Variants in A2M observed in about 807,000 individuals in gnomAD.
The protein encoded by A2M is alpha-2-macroglobulin.
A2M carries 128 observed loss-of-function variants against 183.9 expected under a neutral mutation model. The ratio of observed to expected loss-of-function variants is 0.70; its 90% confidence interval spans 0.60 to 0.81. A2M has a LOEUF of 0.81. Among genes scored for constraint, A2M ranks in the 30% least tolerant of loss-of-function variants. A2M has a pLI of 0.00. For missense variants in A2M, 1,495 were observed against 1,787.6 expected (o/e 0.84, Z 2.95); for synonymous variants, 592 against 670.8 (o/e 0.88, Z 1.81).
chr12:9,068,439 G>A (rs1249897457), intron 34 of A2M, among the ~76,000 whole-genome samples: 2 of 152,082 alleles, frequency 1.3e-5, no homozygotes, highest in Admixed American at 1.3e-4. Flanking sequence ...CCAAACTCCT[G>A]AAGGACTCTT....
upstream of A2M, chr12:9,115,956 T>C: frequency 1.1e-6 from 1 of 897,182 alleles, no homozygotes; most frequent in Non-Finnish European, 1.9e-6. Context: ...TATGCTGCTC[T>C]GTGTGCAAAC....
rs1470768291 is a variant in A2M at position 9,115,863 on chromosome 12, G to A, written c.-14C>T. On this transcript the variant is annotated 5_prime_UTR_variant, in exon 1 of 36. Transcript: ENST00000318602. ...GTTCTTCCCCATGTTGCAGAAAGAA[G>A]GAGCTGGAGGAGAACAGACTGTATT... The A allele has an allele frequency of 5.0e-6, 8 of 1,605,700 alleles. No individual in the cohort carries two copies. Among genetic ancestry groups the A allele is most frequent in the East Asian group, 2.2e-5 (1 of 44,792 alleles).
intron 15 of A2M, among the ~76,000 whole-genome samples, chr12:9,097,740 C>A (rs1429507922): frequency 2.0e-5 from 3 of 149,450 alleles, no homozygotes; most frequent in East Asian, 3.9e-4. Context: ...TCAAGTGATT[C>A]TCCTGCCTCA....
intron 14 of A2M, 132 bp downstream of exon 14, chr12:9,099,249 A>G (rs1413303595): frequency 1.2e-6 from 1 of 815,634 alleles, no homozygotes; most frequent in Non-Finnish European, 2.0e-6. Flanking sequence ...TGACTCTGCC[A>G]CTACCTTGCT....
intron 33 of A2M, among the ~76,000 whole-genome samples, chr12:9,069,397 G>T (rs902670517): frequency 6.6e-6 from 1 of 152,008 alleles, no homozygotes; most frequent in African/African-American, 2.4e-5. Flanking sequence ...TCATATTGTT[G>T]TTGAGTATGT....
intron 4 of A2M, chr12:9,111,926 A>G (rs1274710690): frequency 1.5e-6 from 1 of 663,756 alleles, no homozygotes; most frequent in Non-Finnish European, 2.9e-6. Flanking sequence ...CCATCCGAAA[A>G]GTAAATTTAA....
chr12:9,109,846 A>G, intron 6 of A2M, 21 bp downstream of exon 6: 1 of 1,570,186 alleles, frequency 6.4e-7, no homozygotes, highest in Middle Eastern at 1.7e-4. Context: ...ATAATGCTTG[A>G]TGACTTTTCA....
At chr12:9,075,263 G>C (rs1041645308) in intron 28 of A2M, among the ~76,000 whole-genome samples, 14 of 152,234 alleles carry the variant, frequency 9.2e-5, no homozygotes, top group Admixed American at 9.2e-4. Context: ...GTGAAACAAT[G>C]GGAACCAATA....
intron 26 of A2M, 77 bp downstream of exon 26, chr12:9,077,624 T>A: frequency 2.6e-6 from 4 of 1,567,352 alleles, no homozygotes; most frequent in Non-Finnish European, 3.5e-6. Flanking sequence ...CTTAGAATTT[T>A]TCACATTATC....
upstream of A2M, chr12:9,115,955 C>G (rs2138010361): frequency 2.2e-6 from 2 of 900,528 alleles, no homozygotes; most frequent in African/African-American, 1.6e-5. Context: ...TTATGCTGCT[C>G]TGTGTGCAAA....
intron 1 of A2M, 127 bp from the exon 2 acceptor site, chr12:9,113,670 T>G: frequency 2.0e-6 from 2 of 986,120 alleles, no homozygotes; most frequent in East Asian, 4.9e-5. Flanking sequence ...CTGATGAGCA[T>G]GAAATTTGGC....
At chr12:9,087,840 C>T (rs958219850) in intron 22 of A2M, among the ~76,000 whole-genome samples, 1 of 152,054 alleles carries the variant, frequency 6.6e-6, no homozygotes, top group South Asian at 2.1e-4. Flanking sequence ...TATGCATATG[C>T]TCTCTGACTC....
chr12:9,107,376 G>T, intron 8 of A2M, 148 bp downstream of exon 8: 1 of 968,498 alleles, frequency 1.0e-6, no homozygotes, highest in South Asian at 1.7e-5. Context: ...ATTGTGCTAA[G>T]TTCATGATTT....
intron 10 of A2M, 33 bp downstream of exon 10, chr12:9,106,203 A>G: frequency 7.7e-7 from 1 of 1,302,502 alleles, no homozygotes; most frequent in Non-Finnish European, 1.1e-6. Context: ...GTAACAGTAC[A>G]TGGGTTGATG....
intron 24 of A2M, 138 bp from the exon 25 acceptor site, chr12:9,079,469 A>G: frequency 8.8e-7 from 1 of 1,131,918 alleles, no homozygotes. Context: ...CTGAGCCTTA[A>G]ATATTTTATT....
rs764380417 is a variant in A2M, at chr12:9,074,900, T to C, written c.3533-117A>G. On this transcript the variant is annotated intron_variant, in intron 28 of 35. Transcript: ENST00000318602. The stretch of plus-strand genomic sequence containing the variant: ...GCATGCCCATTATAATCCCCTGTAC[T>C]GTATGTAGATGCTTTTCCCTTCATG... 2.1e-5 allele frequency: 22 copies of C among 1,040,020 alleles called. No homozygotes were observed. The East Asian group carries it at 5.2e-4, about 25-fold the overall frequency. 64.4% of individuals were successfully genotyped at this position (1,040,020 alleles called of 1,614,324 possible).
intron 15 of A2M, among the ~76,000 whole-genome samples, chr12:9,097,632 C>CTTT (rs34844537): frequency 7.9e-6 from 1 of 127,116 alleles, no homozygotes; most frequent in African/African-American, 2.9e-5. Flanking sequence ...TGATGTAATT[C>CTTT]TTTTTTTTTT....
At position 9,109,894 on chromosome 12, in the gene A2M, C is replaced by T. The variant is rs776320155; in HGVS notation, c.646G>A (p.Glu216Lys). The T allele has an allele frequency of 6.2e-7, 1 of 1,610,924 alleles. No individual in the cohort carries two copies. The highest frequency in any genetic ancestry group is 1.3e-5 in the African/African-American group (1 of 74,802). The change falls in exon 6 of 36, where the codon GAG (glutamate) becomes AAG (lysine). Residue 216 changes from glutamate to lysine, a missense_variant. Glu to Lys is a moderately conservative substitution (Grantham distance 56, BLOSUM62 1). Coordinates refer to ENST00000318602, the MANE Select transcript of A2M (RefSeq NM_000014.6). ...VVQKKSGGRT[E>K]HPFTVEEFVL... ...AATTCCTCCACGGTGAAAGGGTGCT[C>T]TGTCCTTCCACCTGATTTCTTCTGT...
chr12:9,104,051 G>T (rs1432398225), intron 11 of A2M, among the ~76,000 whole-genome samples, 188 bp downstream of exon 11: 1 of 152,052 alleles, frequency 6.6e-6, no homozygotes, highest in Non-Finnish European at 1.5e-5. Context: ...AGTCTAACCC[G>T]CACTTTTAAT....
Sources: allele counts gnomAD v4.1 joint callset (sites outside exome capture counted in the v4.1 genomes callset), GRCh38; gene constraint gnomAD v4.1.1; transcripts MANE v1.5; gene names NCBI Gene and HGNC (gene_info 2026-07-23, HGNC 2026-07-21).